The following SEC11A variants were observed in gnomAD, a reference collection of about 807,000 sequenced individuals.
SEC11A encodes signal peptidase complex catalytic subunit SEC11A.
A neutral mutation model predicts 25.6 loss-of-function variants in SEC11A; 14 were observed. The observed-to-expected ratio is 0.55, with a 90% CI of 0.36 to 0.85. The LOEUF is 0.85. Among genes scored for constraint, SEC11A ranks in the 40% least tolerant of loss-of-function variants. The probability of loss-of-function intolerance (pLI) is 0.01; values close to 1 mark genes in which losing one functional copy is unlikely to be tolerated. For synonymous variants in SEC11A, 83 were observed against 76.4 expected (o/e 1.09, Z -0.45); for missense variants, 153 against 222.9 (o/e 0.69, Z 2.00).
intron 4 of SEC11A, among the ~76,000 whole-genome samples, chr15:84,674,228 TA>T (rs1897076833): frequency 6.6e-6 from 1 of 150,540 alleles, no homozygotes; most frequent in Non-Finnish European, 1.5e-5. Flanking sequence ...TTTATATATA[TA>T]TATTATTTTT....
At chr15:84,684,540 T>C (rs117200332) in intron 3 of SEC11A, among the ~76,000 whole-genome samples, 2 of 152,130 alleles carry the variant, frequency 1.3e-5, no homozygotes, top group African/African-American at 4.8e-5. Flanking sequence ...ATTAGCAGCA[T>C]GAGAACAGAC....
At chr15:84,710,382 C>T (rs1028430783) in intron 1 of SEC11A, among the ~76,000 whole-genome samples, 29 of 151,954 alleles carry the variant, frequency 1.9e-4, no homozygotes, top group African/African-American at 5.8e-4. Context: ...ACCTGTAATC[C>T]CAACACTTTG....
intron 2 of SEC11A, among the ~76,000 whole-genome samples, chr15:84,688,376 C>T (rs905882425): frequency 2.0e-5 from 3 of 152,098 alleles, no homozygotes; most frequent in Non-Finnish European, 4.4e-5. Context: ...TAAGAATTTC[C>T]GAAGCCAGGA....
At chr15:84,709,222 G>A (rs539434225) in intron 1 of SEC11A, among the ~76,000 whole-genome samples, 1 of 151,970 alleles carries the variant, frequency 6.6e-6, no homozygotes, top group Non-Finnish European at 1.5e-5. Context: ...AAGAGATGGG[G>A]CCTCACTATG....
chr15:84,716,007 G>C lies in SEC11A; in HGVS notation c.51+18C>G, dbSNP rs761230960. The C allele has an allele frequency of 6.2e-7, 1 of 1,612,794 alleles. No homozygotes were observed. The highest frequency in any genetic ancestry group is 8.5e-7 in the Non-Finnish European group (1 of 1,179,206). ...GGGACAAGAAGAGCCAGGAGAAAAA[G>C]AGGACGGACAAGCTCACCTGCCGCT... On this transcript the variant is annotated intron_variant, in intron 1 of 5. Coordinates refer to ENST00000268220, the MANE Select transcript of SEC11A (RefSeq NM_014300.4).
Position 84,687,734 on chromosome 15 carries a change from A to G in SEC11A, c.202T>C (p.Phe68Leu), listed in dbSNP as rs1027298641. The G allele has an allele frequency of 6.2e-6, 10 of 1,603,780 alleles. No homozygotes were observed. Among genetic ancestry groups the G allele is most frequent in the Non-Finnish European group, 7.6e-6 (9 of 1,177,594 alleles). ...GGATCTTCAACTCGATTTGTTAGAA[A>G]GAGAAGATCTCCTCTATGAAATGCA... ...EPAFHRGDLLFLTNRVEDPIR... is the reference protein window; with the variant it reads ...EPAFHRGDLLLLTNRVEDPIR... The change falls in exon 3 of 6, where the codon TTT (phenylalanine) becomes CTT (leucine). Residue 68 changes from phenylalanine (F) to leucine (L), a missense_variant. Transcript: ENST00000268220.
At chr15:84,685,493 A>G (rs1897393393) in intron 3 of SEC11A, among the ~76,000 whole-genome samples, 1 of 150,390 alleles carries the variant, frequency 6.6e-6, no homozygotes, top group Non-Finnish European at 1.5e-5. Flanking sequence ...AGGCTGGTCT[A>G]GAGCTCCTGC....
chr15:84,686,296 T>C (rs1241024947), intron 3 of SEC11A, among the ~76,000 whole-genome samples: 1 of 152,238 alleles, frequency 6.6e-6, no homozygotes, highest in Non-Finnish European at 1.5e-5. Flanking sequence ...AAGCAATGGT[T>C]GACAGTTTCC....
chr15:84,697,313 T>C (rs954787749), intron 1 of SEC11A, among the ~76,000 whole-genome samples: 3 of 152,176 alleles, frequency 2.0e-5, no homozygotes, highest in African/African-American at 7.2e-5. Context: ...TAATTTCCTA[T>C]GTTCTTGCAA....
At chr15:84,715,992 G>C in intron 1 of SEC11A, 33 bp downstream of exon 1, 1 of 1,609,370 alleles carries the variant, frequency 6.2e-7, no homozygotes, top group Middle Eastern at 1.7e-4. Context: ...GGGACAAGAA[G>C]AGCCAGGAGA....
intron 1 of SEC11A, among the ~76,000 whole-genome samples, chr15:84,711,060 A>C (rs1348678562): frequency 1.4e-5 from 2 of 146,026 alleles, no homozygotes; most frequent in African/African-American, 5.1e-5. Flanking sequence ...ACAGAGCAAG[A>C]CTCCATCTCA....
intron 4 of SEC11A, among the ~76,000 whole-genome samples, chr15:84,676,311 A>G (rs1459217908): frequency 6.6e-6 from 1 of 152,096 alleles, no homozygotes; most frequent in Non-Finnish European, 1.5e-5. Context: ...CTAAAAATAC[A>G]AAAAATTAGG....
intron 1 of SEC11A, among the ~76,000 whole-genome samples, chr15:84,708,486 T>C (rs1026341386): frequency 1.3e-5 from 2 of 152,122 alleles, no homozygotes; most frequent in Non-Finnish European, 2.9e-5. Context: ...TTATTCCTAT[T>C]AGGTCTATAT....
chr15:84,696,844 C>T (rs1897782003), intron 1 of SEC11A, among the ~76,000 whole-genome samples: 1 of 152,036 alleles, frequency 6.6e-6, no homozygotes, highest in South Asian at 2.1e-4. Flanking sequence ...TATAGAGTTG[C>T]AGAAGTTACC....
At chr15:84,683,413 A>T (rs1035671837) in intron 3 of SEC11A, among the ~76,000 whole-genome samples, 16 of 151,358 alleles carry the variant, frequency 1.1e-4, no homozygotes, top group African/African-American at 3.7e-4. Flanking sequence ...ACAAACAAAC[A>T]AACAAACAAA....
chr15:84,709,769 G>C (rs780644244), intron 1 of SEC11A, among the ~76,000 whole-genome samples: 20 of 151,702 alleles, frequency 1.3e-4, no homozygotes, highest in Non-Finnish European at 1.9e-4. Flanking sequence ...TTGAGACAGG[G>C]TCTCACACTG....
chr15:84,688,561 C>A (rs1824229630), intron 2 of SEC11A, among the ~76,000 whole-genome samples: 1 of 152,188 alleles, frequency 6.6e-6, no homozygotes, highest in African/African-American at 2.4e-5. Context: ...GAAACTCAAG[C>A]TCCGGTTTTC....
At chr15:84,679,256 G>A in intron 4 of SEC11A, 1 of 1,262,230 alleles carries the variant, frequency 7.9e-7, no homozygotes, top group Non-Finnish European at 1.0e-6. Flanking sequence ...TGAGGAAGAT[G>A]GGGACTAGTA....
chr15:84,701,821 G>A (rs1897952048), intron 1 of SEC11A, among the ~76,000 whole-genome samples: 1 of 152,140 alleles, frequency 6.6e-6, no homozygotes, highest in Non-Finnish European at 1.5e-5. Context: ...TGTAATCCCA[G>A]CACATTGGGA....
Sources: allele counts gnomAD v4.1 joint callset (sites outside exome capture counted in the v4.1 genomes callset), GRCh38; gene constraint gnomAD v4.1.1; transcripts MANE v1.5; gene names NCBI Gene and HGNC (gene_info 2026-07-23, HGNC 2026-07-21).